CSRNP3: variants seen among roughly 807,000 people sequenced by gnomAD.
The protein encoded by CSRNP3 is cysteine and serine rich nuclear protein 3.
A neutral mutation model predicts 48.0 loss-of-function variants in CSRNP3; 12 were observed. That is an observed-to-expected ratio of 0.25 (90% CI 0.16 to 0.41). The LOEUF (loss-of-function observed/expected upper bound fraction) is 0.41. CSRNP3 is among the 10% of genes least tolerant of loss of function. CSRNP3 has a pLI of 1.00. For synonymous variants in CSRNP3, 263 were observed against 269.7 expected (o/e 0.98, Z 0.24); for missense variants, 580 against 724.4 (o/e 0.80, Z 2.29).
chr2:165,587,921 A>G (rs944004021), intron 3 of CSRNP3, among the ~76,000 whole-genome samples: 2 of 152,206 alleles, frequency 1.3e-5, no homozygotes, highest in Non-Finnish European at 2.9e-5. Flanking sequence ...ACGGATATTA[A>G]ATTATGGAAA....
intron 3 of CSRNP3, among the ~76,000 whole-genome samples, chr2:165,532,081 A>C (rs1354686676): frequency 6.6e-6 from 1 of 152,016 alleles, no homozygotes; most frequent in Non-Finnish European, 1.5e-5. Context: ...CTTACCAACC[A>C]AAAAAAGTCC....
intron 2 of CSRNP3, among the ~76,000 whole-genome samples, chr2:165,499,412 G>T (rs568295445): frequency 6.6e-6 from 1 of 151,962 alleles, no homozygotes; most frequent in South Asian, 2.1e-4. Context: ...CTGCTTAAAA[G>T]AAAAAAAGAG....
intron 4 of CSRNP3, among the ~76,000 whole-genome samples, chr2:165,650,622 CT>C (rs1339896839): frequency 2.6e-5 from 4 of 152,146 alleles, no homozygotes; most frequent in Non-Finnish European, 5.9e-5. Context: ...CAGATTTAGT[CT>C]TGATTTGTTC....
At chr2:165,661,383 A>C (rs1687094141) in intron 5 of CSRNP3, among the ~76,000 whole-genome samples, 1 of 152,186 alleles carries the variant, frequency 6.6e-6, no homozygotes, top group South Asian at 2.1e-4. Flanking sequence ...GAACACTTAC[A>C]TTGGCCTACC....
At chr2:165,570,461 AT>A (rs1170325402) in intron 3 of CSRNP3, among the ~76,000 whole-genome samples, 7 of 151,652 alleles carry the variant, frequency 4.6e-5, no homozygotes, top group East Asian at 1.9e-4. Flanking sequence ...ATATATGTGG[AT>A]TTTTTTTCCC....
intron 5 of CSRNP3, among the ~76,000 whole-genome samples, chr2:165,658,396 T>C (rs1183805630): frequency 6.6e-6 from 1 of 152,170 alleles, no homozygotes; most frequent in Non-Finnish European, 1.5e-5. Context: ...CTTCATTGAG[T>C]GCAATGTAGA....
intron 3 of CSRNP3, among the ~76,000 whole-genome samples, chr2:165,556,664 A>G (rs1045947270): frequency 1.3e-5 from 2 of 152,232 alleles, no homozygotes; most frequent in Admixed American, 6.5e-5. Flanking sequence ...GAAAAATAAG[A>G]AAAAGAAAAT....
rs138541055 is a variant in CSRNP3 at position 165,679,219 on chromosome 2, A to G, written c.1224A>G (p.Ser408=). 3 of 1,613,960 alleles carry G rather than the reference A, an allele frequency of 1.9e-6. No individual in the cohort carries two copies. The African/African-American group carries it at 4.0e-5, about 22-fold the overall frequency. The change falls in exon 7 of 7, where the codon TCA becomes TCG. Residue 408 remains serine (S), a synonymous_variant. Transcript: ENST00000651982. ...GTHAEVVPLP[S]VLCYSDGTAV... is the part of the protein sequence containing the mutation. ...ATGCCGAAGTTGTCCCTCTTCCTTC[A>G]GTTCTTTGTTATTCTGATGGCACCG...
At chr2:165,476,655 C>T (rs1683966203) in intron 1 of CSRNP3, among the ~76,000 whole-genome samples, 1 of 152,200 alleles carries the variant, frequency 6.6e-6, no homozygotes, top group South Asian at 2.1e-4. Flanking sequence ...GCAGGATAAT[C>T]ATTGATGGGC....
chr2:165,628,489 C>T (rs1190394238), intron 4 of CSRNP3, among the ~76,000 whole-genome samples: 6 of 151,742 alleles, frequency 4.0e-5, no homozygotes, highest in African/African-American at 1.2e-4. Flanking sequence ...TTTGGGAGGC[C>T]GAGGGGGGCA....
intron 2 of CSRNP3, among the ~76,000 whole-genome samples, chr2:165,507,280 T>C (rs1467336806): frequency 1.3e-5 from 2 of 152,206 alleles, no homozygotes; most frequent in Non-Finnish European, 1.5e-5. Context: ...ATATGAGAAA[T>C]GAAGAGACTG....
intron 3 of CSRNP3, among the ~76,000 whole-genome samples, chr2:165,572,844 A>G (rs1414801569): frequency 6.6e-6 from 1 of 152,254 alleles, no homozygotes; most frequent in African/African-American, 2.4e-5. Flanking sequence ...AAATAAATTC[A>G]TCCAATAATT....
Position 165,517,890 on chromosome 2 carries a change from T to C in CSRNP3, c.-95T>C, listed in dbSNP as rs1157186010. On this transcript the variant is annotated 5_prime_UTR_variant, in exon 3 of 7. Transcript: ENST00000651982. Reference sequence around the variant, plus strand: ...TTTTTAAGGAAAAAATGAGGAAATATCAACAGACTGAAAATATGTTTTCAG... The same window carrying C: ...TTTTTAAGGAAAAAATGAGGAAATACCAACAGACTGAAAATATGTTTTCAG... 2.0e-5 allele frequency: 3 copies of C among 152,304 alleles called. No individual in the cohort carries two copies. Among genetic ancestry groups the C allele is most frequent in the Non-Finnish European group, 4.4e-5 (3 of 67,808 alleles). The allele number at this position is 152,304 out of a possible 1,614,324, so 9.4% of individuals were successfully genotyped here. A position where few individuals can be genotyped will look rare whatever the true frequency, so the allele number is the denominator to read the frequency against.
intron 3 of CSRNP3, among the ~76,000 whole-genome samples, chr2:165,551,009 G>T (rs1341597860): frequency 1.3e-5 from 2 of 151,748 alleles, no homozygotes; most frequent in Non-Finnish European, 2.9e-5. Context: ...CAACTTCTTA[G>T]ATCTACTTTT....
chr2:165,590,229 A>G (rs569647566), intron 3 of CSRNP3, among the ~76,000 whole-genome samples: 1 of 152,366 alleles, frequency 6.6e-6, no homozygotes, highest in South Asian at 2.1e-4. Flanking sequence ...AAAAGAGTGG[A>G]CAATGATGTA....
chr2:165,677,947 T>C (rs1687454948), intron 6 of CSRNP3, among the ~76,000 whole-genome samples: 2 of 152,142 alleles, frequency 1.3e-5, no homozygotes, highest in Admixed American at 6.5e-5. Context: ...GTACATGCCC[T>C]TCCTTCAAGA....
chr2:165,599,329 G>GAAA (rs774882658), intron 4 of CSRNP3, among the ~76,000 whole-genome samples: 131 of 107,730 alleles, frequency 1.2e-3, no homozygotes, highest in African/African-American at 4.4e-3. Flanking sequence ...AAGAAAGAAA[G>GAAA]GAAAAGAAAA....
rs144570009 is a variant in CSRNP3 at position 165,657,876 on chromosome 2, G to A, written c.264G>A (p.Gly88=). ...RQGFTSVPSQ[G]GSTLGMSSRH... Reference sequence around the variant, plus strand: ...GCTTCACAAGTGTGCCCAGTCAAGGGGGAAGCACCCTGGGGATGTCCAGCC... The same window carrying A: ...GCTTCACAAGTGTGCCCAGTCAAGGAGGAAGCACCCTGGGGATGTCCAGCC... Residue 88 remains glycine (G), a synonymous_variant, in exon 5 of 7, where the codon GGG becomes GGA. Transcript: ENST00000651982. 2.5e-6 allele frequency: 4 copies of A among 1,613,976 alleles called. No individual in the cohort carries two copies. The highest frequency in any genetic ancestry group is 1.3e-5 in the African/African-American group (1 of 74,902).
intron 3 of CSRNP3, among the ~76,000 whole-genome samples, chr2:165,571,856 G>C (rs934820362): frequency 2.0e-5 from 3 of 151,924 alleles, no homozygotes; most frequent in African/African-American, 7.2e-5. Context: ...TTCACATATA[G>C]TATCTTTTAG....
Sources: allele counts gnomAD v4.1 joint callset (sites outside exome capture counted in the v4.1 genomes callset), GRCh38; gene constraint gnomAD v4.1.1; transcripts MANE v1.5; gene names NCBI Gene and HGNC (gene_info 2026-07-23, HGNC 2026-07-21).